The following TICRR variants were observed in gnomAD, a reference collection of about 807,000 sequenced individuals.
The protein encoded by TICRR is treslin.
In TICRR, 132 loss-of-function variants were observed where a neutral mutation model predicts 178.1. The ratio of observed to expected loss-of-function variants is 0.74; its 90% confidence interval spans 0.64 to 0.86. TICRR has a LOEUF of 0.86. Ranked by LOEUF, TICRR falls within the 40% of genes least tolerant of loss-of-function variation. TICRR has a pLI of 0.00. For synonymous variants in TICRR, 991 were observed against 900.7 expected (o/e 1.10, Z -1.79); for missense variants, 2,587 against 2,334.3 (o/e 1.11, Z -2.23).
chr15:89,594,251 G>A (rs1031799452), intron 5 of TICRR, among the ~76,000 whole-genome samples, 164 bp from the exon 6 acceptor site: 1 of 152,194 alleles, frequency 6.6e-6, no homozygotes, highest in African/African-American at 2.4e-5. Context: ...TCGAAAATGA[G>A]AGGAGGGACA....
At position 89,592,033 on chromosome 15, in the gene TICRR, C is replaced by G. The variant is rs1962922006; in HGVS notation, c.1412-14C>G. Reference sequence around the variant, plus strand: ...GCTGTTTCCTCTCCTGCCGCTGCTCCTTTGCTCCAATAGCTTCTCCTGTTC... The same window carrying G: ...GCTGTTTCCTCTCCTGCCGCTGCTCGTTTGCTCCAATAGCTTCTCCTGTTC... On this transcript the variant is annotated splice_polypyrimidine_tract_variant and intron_variant, in intron 4 of 21. Transcript: ENST00000268138. 2 of 1,598,360 alleles carry G rather than the reference C, an allele frequency of 1.3e-6. No homozygotes were observed. Among genetic ancestry groups the G allele is most frequent in the Non-Finnish European group, 1.7e-6 (2 of 1,168,322 alleles).
At chr15:89,598,165 G>A (rs1963031005) in intron 7 of TICRR, among the ~76,000 whole-genome samples, 1 of 151,576 alleles carries the variant, frequency 6.6e-6, no homozygotes, top group African/African-American at 2.4e-5. Context: ...AGTAGAGATG[G>A]GGTTTCACCG....
At chr15:89,608,451 G>A (rs1377984007) in intron 14 of TICRR, among the ~76,000 whole-genome samples, 1 of 152,142 alleles carries the variant, frequency 6.6e-6, no homozygotes, top group South Asian at 2.1e-4. Context: ...ATTAGCACTA[G>A]CATTTATTAT....
At chr15:89,613,734 C>CTTTTTTTTT (rs34162195) in intron 15 of TICRR, among the ~76,000 whole-genome samples, 2 of 61,570 alleles carry the variant, frequency 3.2e-5, no homozygotes, top group African/African-American at 7.5e-5. Flanking sequence ...TTTCTATTCG[C>CTTTTTTTTT]TTTTTTTTTT....
In TICRR at chr15:89,625,767, C is replaced by G; in HGVS notation, c.5457C>G (p.Asp1819Glu). 1 of 1,604,346 alleles carries G rather than the reference C, an allele frequency of 6.2e-7. No individual in the cohort carries two copies. Among genetic ancestry groups the G allele is most frequent in the Non-Finnish European group, 8.5e-7 (1 of 1,174,226 alleles). Residue 1819 changes from aspartate to glutamate, a missense_variant, in exon 20 of 22, where the codon GAC becomes GAG. Physicochemically the swap from Asp to Glu is conservative, Grantham distance 45. Transcript: ENST00000268138. The stretch of plus-strand genomic sequence containing the variant: ...CATGGCAGCTACCCTCCACGGGAGA[C>G]GAAGAGGTGTTTGTTTCCGGTGAGT... ...WSAWQLPSTG[D>E]EEVFVSGSTP...
At chr15:89,613,998 C>T (rs1227746706) in intron 15 of TICRR, among the ~76,000 whole-genome samples, 1 of 151,688 alleles carries the variant, frequency 6.6e-6, no homozygotes, top group African/African-American at 2.4e-5. Context: ...ACTAAAAATA[C>T]AAAAAATTAG....
intron 17 of TICRR, among the ~76,000 whole-genome samples, chr15:89,618,474 C>G (rs1410733927): frequency 6.6e-6 from 1 of 152,136 alleles, no homozygotes; most frequent in Non-Finnish European, 1.5e-5. Context: ...AGTGCTATGA[C>G]TTATTTTAAA....
At chr15:89,615,730 G>A (rs915032911) in intron 15 of TICRR, among the ~76,000 whole-genome samples, 1 of 151,942 alleles carries the variant, frequency 6.6e-6, no homozygotes, top group African/African-American at 2.4e-5. Flanking sequence ...TGCCACCTAC[G>A]TTTATCTTAA....
intron 4 of TICRR, 83 bp from the exon 5 acceptor site, chr15:89,591,964 C>CT: frequency 7.5e-7 from 1 of 1,331,286 alleles, no homozygotes. Context: ...GCAGTCAGTC[C>CT]AGGGGAGGAG....
rs1255631529 is a variant in TICRR, at chr15:89,595,412, A to G, written c.1701A>G (p.Pro567=). 1.2e-6 allele frequency: 2 copies of G among 1,613,946 alleles called. No individual in the cohort carries two copies. Among genetic ancestry groups the G allele is most frequent in the East Asian group, 2.2e-5 (1 of 44,884 alleles). The change falls in exon 7 of 22, where the codon CCA becomes CCG. Residue 567 remains proline (P), a synonymous_variant. Transcript: ENST00000268138. ...SKKKRGVPRT[P]VRQKMNTMCR... ...TGGTAGGAGGGGTCCCTCGTACTCC[A>G]GTGAGACAGAAGATGAATACCATGT...
rs181823479 is a variant in TICRR at position 89,618,371 on chromosome 15, T to C, written c.3019+161T>C. Among the ~76,000 whole-genome samples the C allele has an allele frequency of 9.2e-5, 14 of 152,358 alleles. No homozygotes were observed. In the East Asian group the frequency reaches 2.7e-3, roughly 29 times the overall value. On this transcript the variant is annotated intron_variant, in intron 17 of 21. Transcript: ENST00000268138. ...GTAAATATTTATAAGTGAATGTTCT[T>C]CTGCATAGAAGGTACTGAGAGAATT... is the stretch of plus-strand genomic sequence containing the variant.
intron 8 of TICRR, 61 bp downstream of exon 8, chr15:89,599,536 G>T: frequency 6.5e-7 from 1 of 1,542,312 alleles, no homozygotes; most frequent in Non-Finnish European, 8.8e-7. Flanking sequence ...TTGGTTGGTG[G>T]TGGATTTGGT....
At chr15:89,626,093 C>A in intron 21 of TICRR, 32 bp downstream of exon 21, 1 of 1,603,804 alleles carries the variant, frequency 6.2e-7, no homozygotes, top group Admixed American at 1.7e-5. Flanking sequence ...GGACCCTTTC[C>A]TGTGACAGAC....
At chr15:89,601,655 G>T (rs1466015491) in intron 11 of TICRR, 82 bp from the exon 12 acceptor site, 2 of 1,610,546 alleles carry the variant, frequency 1.2e-6, no homozygotes, top group Non-Finnish European at 1.7e-6. Flanking sequence ...GAGTTGTAAG[G>T]ACTACTTTTT....
intron 4 of TICRR, among the ~76,000 whole-genome samples, chr15:89,588,643 G>T (rs940747634): frequency 6.6e-6 from 1 of 152,150 alleles, no homozygotes; most frequent in Non-Finnish European, 1.5e-5. Context: ...TGGTGACCAG[G>T]GGGAGAGAGT....
chr15:89,581,939 CAG>C (rs1962733550), intron 1 of TICRR, among the ~76,000 whole-genome samples: 2 of 152,172 alleles, frequency 1.3e-5, no homozygotes, highest in Non-Finnish European at 1.5e-5. Context: ...GTGGGCAAGT[CAG>C]AGTGATGGTC....
rs71151515 is a variant in TICRR, at chr15:89,601,048, GAAAAAAAAAA to G, written c.2154-236_2154-227del. ...GCAACAGAGCAAGACCCTGTCTCAG[GAAAAAAAAAA>G]AAAAAAAAAAAAAGATTACCAACTG... On this transcript the variant is annotated intron_variant, in intron 9 of 21. Coordinates refer to ENST00000268138, the MANE Select transcript of TICRR (RefSeq NM_152259.4). 6.7e-4 allele frequency among the ~76,000 whole-genome samples: 50 copies of G among 74,820 alleles called. 1 individual carries two copies. In the East Asian group the frequency reaches 0.019, roughly 28 times the overall value. The allele number at this position is 74,820 out of a possible 152,430, so 49.1% of individuals were successfully genotyped here. A position where few individuals can be genotyped will look rare whatever the true frequency, so the allele number is the denominator to read the frequency against.
intron 4 of TICRR, among the ~76,000 whole-genome samples, chr15:89,586,322 C>T (rs2141955153): frequency 6.6e-6 from 1 of 151,766 alleles, no homozygotes; most frequent in African/African-American, 2.4e-5. Flanking sequence ...TATTACAAAC[C>T]TTATGTAAGC....
At chr15:89,615,031 G>A (rs1191965552) in intron 15 of TICRR, among the ~76,000 whole-genome samples, 2 of 152,134 alleles carry the variant, frequency 1.3e-5, no homozygotes, top group East Asian at 3.9e-4. Context: ...GTGGACTTTT[G>A]GATGCCTAAG....
Sources: allele counts gnomAD v4.1 joint callset (sites outside exome capture counted in the v4.1 genomes callset), GRCh38; gene constraint gnomAD v4.1.1; transcripts MANE v1.5; gene names NCBI Gene and HGNC (gene_info 2026-07-23, HGNC 2026-07-21).